TGFBR3: variants seen among roughly 807,000 people sequenced by gnomAD.
TGFBR3 encodes transforming growth factor beta receptor 3, also known as transforming growth factor beta receptor type 3.
A neutral mutation model predicts 87.9 loss-of-function variants in TGFBR3; 46 were observed. The observed-to-expected ratio is 0.52, with a 90% CI of 0.41 to 0.67. TGFBR3 has a LOEUF of 0.67. Ranked by LOEUF, TGFBR3 falls within the 30% of genes least tolerant of loss-of-function variation. The probability of loss-of-function intolerance (pLI) is 0.00; values close to 1 mark genes in which losing one functional copy is unlikely to be tolerated. For synonymous variants in TGFBR3, 381 were observed against 391.6 expected (o/e 0.97, Z 0.32); for missense variants, 866 against 1,041.9 (o/e 0.83, Z 2.32).
At chr1:91,717,140 AAGCTTTGGTTATATAT>A (rs1403606252) in intron 10 of TGFBR3, among the ~76,000 whole-genome samples, 5 of 152,214 alleles carry the variant, frequency 3.3e-5, no homozygotes, top group Non-Finnish European at 2.9e-5. Context: ...CGAATACAAG[AAGCTTTGGTTATATAT>A]ATCCTTTAAG....
chr1:91,794,715 C>A (rs936261850), intron 3 of TGFBR3, among the ~76,000 whole-genome samples: 29 of 152,172 alleles, frequency 1.9e-4, no homozygotes, highest in Middle Eastern at 3.2e-3. Flanking sequence ...TAGCACCTAT[C>A]AGTATGCCAT....
intron 1 of TGFBR3, among the ~76,000 whole-genome samples, chr1:91,875,193 G>A (rs748955995): frequency 6.6e-6 from 1 of 152,034 alleles, no homozygotes. Flanking sequence ...ACATTCTCAC[G>A]AGGCAGCAAG....
rs143543460 is a variant in TGFBR3 at position 91,692,771 on chromosome 1, G to A, written c.2437+2901C>T. ...CCAGAGTTGTCATATGATAAAGTGG[G>A]AACCCAGTCTTTGTAGAGTAACACA... On this transcript the variant is annotated intron_variant, in intron 16 of 16. Coordinates refer to ENST00000212355, the MANE Select transcript of TGFBR3 (RefSeq NM_003243.5). 3.1e-3 allele frequency among the ~76,000 whole-genome samples: 467 copies of A among 152,314 alleles called. 1 individual carries two copies. The highest frequency in any genetic ancestry group is 0.011 in the African/African-American group (456 of 41,568).
intron 4 of TGFBR3, among the ~76,000 whole-genome samples, chr1:91,751,556 T>C (rs1673541300): frequency 6.6e-6 from 1 of 151,806 alleles, no homozygotes; most frequent in Admixed American, 6.6e-5. Context: ...TTGTCAGTCA[T>C]CCAAACTCCA....
At chr1:91,865,069 G>A (rs1678338952) in intron 1 of TGFBR3, among the ~76,000 whole-genome samples, 1 of 151,908 alleles carries the variant, frequency 6.6e-6, no homozygotes, top group South Asian at 2.1e-4. Flanking sequence ...CAGGCGTGGT[G>A]GTACGTGCCT....
intron 2 of TGFBR3, among the ~76,000 whole-genome samples, chr1:91,834,418 G>A (rs1051157539): frequency 6.6e-6 from 1 of 152,168 alleles, no homozygotes; most frequent in Admixed American, 6.5e-5. Flanking sequence ...TTTGGTTCAG[G>A]CCTGAAGAAT....
rs551278823 is a variant in TGFBR3, at chr1:91,744,825, T to G, written c.385-9866A>C. Among the ~76,000 whole-genome samples, 291 of 152,298 alleles carry G rather than the reference T, an allele frequency of 1.9e-3. 1 individual carries two copies. Among genetic ancestry groups the G allele is most frequent in the African/African-American group, 6.8e-3 (282 of 41,536 alleles). On this transcript the variant is annotated intron_variant, in intron 4 of 16. Coordinates refer to ENST00000212355, the MANE Select transcript of TGFBR3 (RefSeq NM_003243.5). The stretch of plus-strand genomic sequence containing the variant: ...TGTTTGAAGAACGAGCAAGAATCTC[T>G]CCTCTGCACTGATGATAAAAAGCCA...
intron 1 of TGFBR3, among the ~76,000 whole-genome samples, chr1:91,873,163 G>A (rs761227793): frequency 3.3e-5 from 5 of 151,842 alleles, no homozygotes; most frequent in Non-Finnish European, 5.9e-5. Context: ...TGGAGATGGG[G>A]TCTCACTATG....
chr1:91,850,080 CAAAAAA>C (rs376631972), intron 2 of TGFBR3, among the ~76,000 whole-genome samples: 52 of 52,152 alleles, frequency 1.0e-3, no homozygotes, highest in African/African-American at 3.1e-3. Flanking sequence ...GACTCCATCT[CAAAAAA>C]AAAAAAAAAA....
intron 16 of TGFBR3, among the ~76,000 whole-genome samples, chr1:91,693,265 G>A (rs1671325362): frequency 6.6e-6 from 1 of 152,146 alleles, no homozygotes; most frequent in Admixed American, 6.5e-5. Flanking sequence ...TCATGCCAAT[G>A]GATTTTAAGC....
chr1:91,843,188 T>C (rs1339353028), intron 2 of TGFBR3, among the ~76,000 whole-genome samples: 2 of 152,202 alleles, frequency 1.3e-5, no homozygotes, highest in Admixed American at 6.5e-5. Context: ...AAAATTTGTA[T>C]GTTAAAATCC....
At chr1:91,842,364 T>C (rs1677319097) in intron 2 of TGFBR3, among the ~76,000 whole-genome samples, 1 of 152,138 alleles carries the variant, frequency 6.6e-6, no homozygotes, top group African/African-American at 2.4e-5. Context: ...AGAGGTACCA[T>C]ATAGATGAGG....
intron 1 of TGFBR3, among the ~76,000 whole-genome samples, chr1:91,902,986 G>A (rs1195868051): frequency 1.3e-5 from 2 of 149,152 alleles, no homozygotes; most frequent in Non-Finnish European, 3.0e-5. Context: ...TGAAAAAGGA[G>A]TGACTCCCAA....
intron 1 of TGFBR3, among the ~76,000 whole-genome samples, chr1:91,871,301 A>T (rs1678574929): frequency 6.6e-6 from 1 of 152,162 alleles, no homozygotes. Context: ...ACAAGGGACA[A>T]ATTATTTTGT....
chr1:91,721,371 G>C (rs1672363132), intron 8 of TGFBR3, among the ~76,000 whole-genome samples: 1 of 152,150 alleles, frequency 6.6e-6, no homozygotes, highest in Admixed American at 6.5e-5. Context: ...GCTTGAACCT[G>C]TACTCCTAAT....
intron 14 of TGFBR3, among the ~76,000 whole-genome samples, chr1:91,700,777 A>G (rs937056639): frequency 3.3e-5 from 5 of 152,184 alleles, no homozygotes; most frequent in African/African-American, 1.2e-4. Flanking sequence ...GTACATTTGT[A>G]TGGTGTTTTG....
Position 91,722,026 on chromosome 1 carries a change from C to A in TGFBR3, c.1004G>T (p.Gly335Val), listed in dbSNP as rs865949914. ...TGTGTATGAAGTTATTGGACTATAG[C>A]CATTGTCCAAAGCCCACTTCACCAG... ...GNLVKWALDN[G>V]YSPITSYTMA... Residue 335 changes from glycine to valine, a missense_variant, in exon 8 of 17, where the codon GGC becomes GTC. Physicochemically the swap from Gly to Val is moderately radical, Grantham distance 109 (BLOSUM62 -3). Coordinates refer to ENST00000212355, the MANE Select transcript of TGFBR3 (RefSeq NM_003243.5). 1 of 1,613,604 alleles carries A rather than the reference C, an allele frequency of 6.2e-7. No homozygotes were observed.
chr1:91,878,354 AAT>A (rs1261630397), intron 1 of TGFBR3, among the ~76,000 whole-genome samples: 1 of 152,170 alleles, frequency 6.6e-6, no homozygotes, highest in Non-Finnish European at 1.5e-5. Context: ...GAAATTTCCA[AAT>A]AGTCTCCAGA....
At chr1:91,843,595 C>CGTGATCCTCTGGTT in intron 2 of TGFBR3, among the ~76,000 whole-genome samples, 1 of 152,314 alleles carries the variant, frequency 6.6e-6, no homozygotes, top group South Asian at 2.1e-4. Context: ...TCATAATAAA[C>CGTGATCCTCTGGTT]GTGATCCTCT....
Sources: gnomAD v4.1 joint callset for allele counts (sites outside exome capture counted in the v4.1 genomes callset) on GRCh38, gnomAD v4.1.1 for gene constraint, MANE v1.5 for transcripts, NCBI Gene and HGNC (gene_info 2026-07-23, HGNC 2026-07-21) for gene names.